Variants in SVIL observed in about 807,000 individuals in gnomAD.
SVIL encodes the protein supervillin.
A neutral mutation model predicts 240.4 loss-of-function variants in SVIL; 101 were observed. The observed-to-expected ratio is 0.42, with a 90% CI of 0.36 to 0.50. The LOEUF (loss-of-function observed/expected upper bound fraction) is 0.50, where lower values mean the gene tolerates loss of function less well. Among genes scored for constraint, SVIL ranks in the 20% least tolerant of loss-of-function variants. SVIL has a pLI of 0.01. For synonymous variants in SVIL, 999 were observed against 1,100.0 expected (o/e 0.91, Z 1.82); for missense variants, 2,512 against 2,818.7 (o/e 0.89, Z 2.46).
chr10:29,551,355 C>A, intron 5 of SVIL, 92 bp from the exon 6 acceptor site: 1 of 1,241,094 alleles, frequency 8.1e-7, no homozygotes, highest in Non-Finnish European at 1.1e-6. Context: ...ACAGCACACA[C>A]CTGGGTGCCC....
intron 8 of SVIL, 74 bp downstream of exon 8, chr10:29,532,455 C>A: frequency 1.3e-6 from 2 of 1,527,228 alleles, no homozygotes; most frequent in Middle Eastern, 2.1e-4. Flanking sequence ...GAACACAACA[C>A]AGGTCGAGGA....
chr10:29,512,737 T>G lies in SVIL; in HGVS notation c.3514A>C (p.Lys1172Gln), dbSNP rs1400830013. The G allele has an allele frequency of 1.2e-6, 2 of 1,614,058 alleles. No individual in the cohort carries two copies. Among genetic ancestry groups the G allele is most frequent in the African/African-American group, 2.7e-5 (2 of 74,950 alleles). Residue 1172 changes from lysine to glutamine, a missense_variant and splice_region_variant, in exon 17 of 38, where the codon AAG becomes CAG. Lys to Gln is a moderately conservative substitution (Grantham distance 53, BLOSUM62 1). Transcript: ENST00000355867. ...TTTCCTAACATGGGGAATGTTACCT[T>G]CTTGATGAGGGACCGCCCTGCTTCC... is the stretch of plus-strand genomic sequence containing the variant. ...TQEAGRSLIKKRVTESRESQM... is the reference protein window; with the variant it reads ...TQEAGRSLIKQRVTESRESQM...
intron 1 of SVIL, among the ~76,000 whole-genome samples, chr10:29,605,079 T>C (rs1171085112): frequency 2.6e-5 from 4 of 152,308 alleles, no homozygotes; most frequent in Admixed American, 2.0e-4. Context: ...AGACACTTAG[T>C]TTCCCTTTCA....
At chr10:29,708,873 T>C (rs956044156) in intron 1 of SVIL, among the ~76,000 whole-genome samples, 2 of 150,272 alleles carry the variant, frequency 1.3e-5, no homozygotes, top group South Asian at 4.2e-4. Flanking sequence ...AAAAACAAAC[T>C]CAACAACAAC....
Position 29,733,796 on chromosome 10 carries a change from T to C in SVIL, c.-400+1955A>G, listed in dbSNP as rs80197145. 4.6e-5 allele frequency among the ~76,000 whole-genome samples: 7 copies of C among 152,258 alleles called. No homozygotes were observed. The East Asian group carries it at 1.4e-3, about 29-fold the overall frequency. On this transcript the variant is annotated intron_variant, in intron 1 of 35. Transcript: ENST00000375400. ...CAAGTCCCTGACTGTCACGCCAGAG[T>C]TGCAAACATCTTTCTTGAAGGCAAT...
At chr10:29,492,965 C>G (rs1286840879) in intron 21 of SVIL, among the ~76,000 whole-genome samples, 2 of 152,126 alleles carry the variant, frequency 1.3e-5, no homozygotes, top group Non-Finnish European at 2.9e-5. Flanking sequence ...TGGCACAGGA[C>G]AAGCATCTGT....
chr10:29,488,486 A>C (rs1947640201), intron 23 of SVIL, 115 bp downstream of exon 23: 2 of 1,262,854 alleles, frequency 1.6e-6, no homozygotes, highest in Non-Finnish European at 2.1e-6. Flanking sequence ...ATAAGTTCTC[A>C]AAAAGTGTGC....
At chr10:29,610,014 TC>T (rs1462783159) in intron 1 of SVIL, among the ~76,000 whole-genome samples, 5 of 152,044 alleles carry the variant, frequency 3.3e-5, no homozygotes, top group Non-Finnish European at 7.4e-5. Flanking sequence ...CACTGTGACC[TC>T]CCTCCCCCTG....
intron 1 of SVIL, among the ~76,000 whole-genome samples, chr10:29,592,451 A>T (rs2132808640): frequency 6.6e-6 from 1 of 152,314 alleles, no homozygotes. Context: ...AGCTGAATAC[A>T]TGTTGGTTTC....
At chr10:29,563,771 T>C (rs555975173) in intron 2 of SVIL, among the ~76,000 whole-genome samples, 22 of 152,248 alleles carry the variant, frequency 1.4e-4, no homozygotes, top group African/African-American at 5.1e-4. Flanking sequence ...TGGTCAAAAG[T>C]TTGGAAAGCC....
intron 16 of SVIL, 147 bp from the exon 17 acceptor site, chr10:29,513,008 G>T: frequency 8.1e-7 from 1 of 1,231,004 alleles, no homozygotes; most frequent in Non-Finnish European, 1.1e-6. Flanking sequence ...TTATTCGGAA[G>T]ACAGCATGTC....
chr10:29,634,553 G>A lies in SVIL; in HGVS notation c.-334C>T, dbSNP rs1589430958. ...CTCGAATCCAGCTTTTGATGTCTTCGAGTATTTTCTTGGAGTCTCTTTCCA... is the reference window on the plus strand; with the variant it reads ...CTCGAATCCAGCTTTTGATGTCTTCAAGTATTTTCTTGGAGTCTCTTTCCA... On this transcript the variant is annotated 5_prime_UTR_variant, in exon 1 of 38. Coordinates refer to ENST00000355867, the MANE Select transcript of SVIL (RefSeq NM_021738.3). The A allele has an allele frequency of 6.6e-6, 1 of 152,196 alleles. No individual in the cohort carries two copies. The allele number at this position is 152,196 out of a possible 1,614,324, so 9.4% of individuals were successfully genotyped here.
chr10:29,692,183 A>G (rs1961559439), intron 1 of SVIL, among the ~76,000 whole-genome samples: 1 of 152,238 alleles, frequency 6.6e-6, no homozygotes, highest in Non-Finnish European at 1.5e-5. Flanking sequence ...GCTTACAAGT[A>G]GAAGCAAGTA....
intron 1 of SVIL, among the ~76,000 whole-genome samples, chr10:29,695,148 A>G (rs1003281522): frequency 2.2e-4 from 33 of 152,298 alleles, no homozygotes; most frequent in Admixed American, 1.0e-3. Context: ...CACCACCAAC[A>G]CTAGGGCTTC....
intron 3 of SVIL, among the ~76,000 whole-genome samples, chr10:29,647,627 G>A (rs1958701472): frequency 6.6e-6 from 1 of 152,042 alleles, no homozygotes; most frequent in Non-Finnish European, 1.5e-5. Context: ...AAATATAGGT[G>A]TGTGTGTGTT....
intron 3 of SVIL, chr10:29,647,070 C>T (rs1281016973): frequency 2.0e-5 from 3 of 152,180 alleles, no homozygotes; most frequent in Non-Finnish European, 4.4e-5. Flanking sequence ...CAATCCTCTG[C>T]AGGGGAAAAC....
At chr10:29,460,065 C>T (rs7913125) in intron 36 of SVIL, among the ~76,000 whole-genome samples, 12,612 of 151,996 alleles carry the variant, frequency 0.083, 1,576 homozygotes, top group African/African-American at 0.27. Context: ...ACACTGCAGC[C>T]TGGGTGACAA....
intron 16 of SVIL, among the ~76,000 whole-genome samples, chr10:29,517,336 G>A (rs1452029272): frequency 6.6e-6 from 1 of 152,104 alleles, no homozygotes; most frequent in East Asian, 1.9e-4. Flanking sequence ...TGAAGTGGGA[G>A]GATCATTTGA....
chr10:29,499,166 G>A lies in SVIL; in HGVS notation c.3614C>T (p.Ala1205Val), dbSNP rs146038224. ...AGTGAACTGGGTCGAGTCGTTGGCC[G>A]CTCCTCTGCCTCTCGTCTTCCAGGC... is the stretch of plus-strand genomic sequence containing the variant. ...EEAWKTRGRG[A>V]ANDSTQFTVA... is the part of the protein sequence containing the mutation. The change falls in exon 18 of 38, where the codon GCG (alanine) becomes GTG (valine). Residue 1205 changes from alanine (A) to valine (V), a missense_variant. Around this residue, in one of 3 missense-constraint regions of SVIL, gnomAD observed 272 missense variants for 406.8 expected, o/e 0.67. Coordinates refer to ENST00000355867, the MANE Select transcript of SVIL (RefSeq NM_021738.3). 3.2e-5 allele frequency: 52 copies of A among 1,613,932 alleles called. No homozygotes were observed. The highest frequency in any genetic ancestry group is 3.3e-4 in the Middle Eastern group (2 of 6,082).
Sources: gnomAD v4.1 joint callset for allele counts (sites outside exome capture counted in the v4.1 genomes callset) on GRCh38, gnomAD v4.1.1 for gene constraint, gnomAD v4.1.1 regional missense constraint, MANE v1.5 for transcripts, NCBI Gene and HGNC (gene_info 2026-07-23, HGNC 2026-07-21) for gene names.